Variants in ZNF462 observed in about 807,000 individuals in gnomAD.
ZNF462 encodes the protein zinc finger protein 462, also known as zinc finger PBX1-interacting protein.
A neutral mutation model predicts 201.9 loss-of-function variants in ZNF462; 10 were observed. The observed-to-expected ratio is 0.05, with a 90% CI of 0.03 to 0.08. The LOEUF is 0.08. Among genes scored for constraint, ZNF462 ranks in the 10% least tolerant of loss-of-function variants. The pLI, the probability that ZNF462 is intolerant of heterozygous loss-of-function variation, is 1.00. For synonymous variants in ZNF462, 1,227 were observed against 1,193.3 expected, an observed-to-expected ratio of 1.03 and a Z score of -0.58; for missense variants, 2,523 against 3,168.3, an observed-to-expected ratio of 0.80 and a Z score of 4.89.
intron 9 of ZNF462, chr9:106,975,019 AT>A (rs1423493906): frequency 6.6e-6 from 1 of 152,192 alleles, no homozygotes; most frequent in Non-Finnish European, 1.5e-5. Context: ...TTTGAGTTGC[AT>A]TTACCCTTGG....
At position 106,930,152 on chromosome 9, in the gene ZNF462, T is replaced by C. The variant is rs1830364161; in HGVS notation, c.5848-373T>C. Among the ~76,000 whole-genome samples the C allele has an allele frequency of 1.3e-5, 2 of 152,218 alleles. No individual in the cohort carries two copies. The highest frequency in any genetic ancestry group is 6.5e-5 in the Admixed American group (1 of 15,282). On this transcript the variant is annotated intron_variant, in intron 3 of 12. Coordinates refer to ENST00000277225, the MANE Select transcript of ZNF462 (RefSeq NM_021224.6). This position sits in a 1 kb window ranked among gnomAD's most constrained non-coding sequence, Gnocchi z 5.8. ...GTCTTGGTCTTCAGTGTTTGCTACA[T>C]GAACCTAACGTCTCCAGGAGTAGAT... is the stretch of plus-strand genomic sequence containing the variant.
Position 107,009,624 on chromosome 9 carries a change from T to C in ZNF462, c.7269T>C (p.Phe2423=). The C allele has an allele frequency of 5.6e-6, 9 of 1,613,962 alleles. No individual in the cohort carries two copies. Among genetic ancestry groups the C allele is most frequent in the Non-Finnish European group, 6.8e-6 (8 of 1,179,944 alleles). The change falls in exon 12 of 13, where the codon TTT becomes TTC. Residue 2423 remains phenylalanine (F), a synonymous_variant. Transcript: ENST00000277225. This position sits in a 1 kb window ranked among gnomAD's most constrained non-coding sequence, Gnocchi z 6.1. Reference sequence around the variant, plus strand: ...CATGTGAATTTTGTGGACGGGCGTTTTCACAGGGCTCTGAGTGGGAAAGAC... The same window carrying C: ...CATGTGAATTTTGTGGACGGGCGTTCTCACAGGGCTCTGAGTGGGAAAGAC... ...RFPCEFCGRA[F]SQGSEWERHV...
intron 1 of ZNF462, among the ~76,000 whole-genome samples, chr9:106,868,817 C>T (rs757722730): frequency 6.6e-6 from 1 of 152,220 alleles, no homozygotes; most frequent in Non-Finnish European, 1.5e-5. Flanking sequence ...TAGCTGCTCT[C>T]TTCTCCAGGG....
intron 8 of ZNF462, among the ~76,000 whole-genome samples, chr9:106,973,782 TCTC>T (rs1469590756): frequency 6.6e-6 from 1 of 152,092 alleles, no homozygotes; most frequent in Non-Finnish European, 1.5e-5. Context: ...AAATAGTCTC[TCTC>T]CTCCCAAGCA....
upstream of ZNF462, chr9:106,863,064 AAGAGG>A (rs1238766800): frequency 1.8e-5 from 7 of 390,104 alleles, no homozygotes; most frequent in Non-Finnish European, 2.7e-5. Context: ...GAGGAGAGAG[AAGAGG>A]AGAGAGAGGG....
rs1408675647 is a variant in ZNF462 at position 106,923,369 on chromosome 9, G to C, written c.-15G>C. On this transcript the variant is annotated 5_prime_UTR_variant, in exon 2 of 13. Transcript: ENST00000277225. This position sits in a 1 kb window ranked among gnomAD's most constrained non-coding sequence, Gnocchi z 5.6. Reference sequence around the variant, plus strand: ...TCTGCCACAGGTTCCTAATGTGAGAGGCTAGACCCAGATCATGGAGGTGCT... The same window carrying C: ...TCTGCCACAGGTTCCTAATGTGAGACGCTAGACCCAGATCATGGAGGTGCT... The C allele has an allele frequency of 1.2e-6, 2 of 1,613,764 alleles. No individual in the cohort carries two copies. Among genetic ancestry groups the C allele is most frequent in the Non-Finnish European group, 1.7e-6 (2 of 1,179,890 alleles).
chr9:106,941,269 C>A (rs1411928528), intron 7 of ZNF462, among the ~76,000 whole-genome samples: 1 of 152,092 alleles, frequency 6.6e-6, no homozygotes, highest in East Asian at 1.9e-4. Flanking sequence ...ATTTTTCTGG[C>A]CCTCCGACAA....
rs773155855 is a variant in ZNF462 at position 107,003,333 on chromosome 9, G to T, written c.7096G>T (p.Asp2366Tyr). ...TGAGCTGGTTGGACGGGTTAACTTG[G>T]ATCAGCTGGAACAGATGAAGGAGAA... is the stretch of plus-strand genomic sequence containing the variant. ...NFELVGRVNL[D>Y]QLEQMKEKME... is the part of the protein sequence containing the mutation. The change falls in exon 11 of 13, where the codon GAT (aspartate) becomes TAT (tyrosine). Residue 2366 changes from aspartate (D) to tyrosine (Y), a missense_variant. Asp to Tyr is a radical substitution (Grantham distance 160, BLOSUM62 -3). Coordinates refer to ENST00000277225, the MANE Select transcript of ZNF462 (RefSeq NM_021224.6). The surrounding 1 kb of genome is among the most constrained non-coding windows in gnomAD (Gnocchi z 4.4). The T allele has an allele frequency of 6.2e-7, 1 of 1,613,862 alleles. No individual in the cohort carries two copies. Among genetic ancestry groups the T allele is most frequent in the Non-Finnish European group, 8.5e-7 (1 of 1,179,854 alleles).
chr9:106,894,464 G>T (rs979199210), intron 1 of ZNF462, among the ~76,000 whole-genome samples: 1 of 152,186 alleles, frequency 6.6e-6, no homozygotes, highest in African/African-American at 2.4e-5. Context: ...TAACTCTTTA[G>T]TCTTTATCTT....
At position 106,926,452 on chromosome 9, in the gene ZNF462, A is replaced by G; in HGVS notation, c.2540A>G (p.His847Arg). ...GDSGRLYYCK[H>R]CDFNNKSARS... ...TCTGGAAGGCTTTACTATTGTAAAC[A>G]CTGTGACTTTAACAACAAATCTGCC... The change falls in exon 3 of 13, where the codon CAC becomes CGC. Residue 847 changes from histidine to arginine, a missense_variant. His to Arg is a conservative substitution (Grantham distance 29). This residue lies in a region of ZNF462 where 11 missense variants were observed against 41.0 expected (regional missense o/e 0.27). Coordinates refer to ENST00000277225, the MANE Select transcript of ZNF462 (RefSeq NM_021224.6). The surrounding 1 kb of genome is among the most constrained non-coding windows in gnomAD (Gnocchi z 7.9). 1.9e-6 allele frequency: 3 copies of G among 1,614,220 alleles called. No individual in the cohort carries two copies. Among genetic ancestry groups the G allele is most frequent in the Non-Finnish European group, 2.5e-6 (3 of 1,180,020 alleles).
intron 1 of ZNF462, among the ~76,000 whole-genome samples, chr9:106,873,974 G>A (rs772870808): frequency 6.6e-5 from 10 of 152,240 alleles, no homozygotes; most frequent in South Asian, 2.1e-4. Context: ...CAAAACCTTC[G>A]TAGAAGGATA....
At position 106,970,342 on chromosome 9, in the gene ZNF462, G is replaced by A. The variant is rs757010740; in HGVS notation, c.6428-1663G>A. On this transcript the variant is annotated intron_variant, in intron 7 of 12. Coordinates refer to ENST00000277225, the MANE Select transcript of ZNF462 (RefSeq NM_021224.6). The surrounding 1 kb of genome is among the most constrained non-coding windows in gnomAD (Gnocchi z 4.2). ...CTTGAGGAATATGAATTGAGGAGGCGGGGAGGAGAACAAGAAGGGGAAGAT... is the reference window on the plus strand; with the variant it reads ...CTTGAGGAATATGAATTGAGGAGGCAGGGAGGAGAACAAGAAGGGGAAGAT... Among the ~76,000 whole-genome samples, 12 of 152,138 alleles carry A rather than the reference G, an allele frequency of 7.9e-5. No homozygotes were observed. The highest frequency in any genetic ancestry group is 1.4e-4 in the African/African-American group (6 of 41,438).
chr9:106,864,039 G>GCTCGCTCTCT (rs1827179488), intron 1 of ZNF462, among the ~76,000 whole-genome samples: 4 of 22,722 alleles, frequency 1.8e-4, no homozygotes, highest in East Asian at 1.3e-3. Flanking sequence ...CAGGTATTTG[G>GCTCGCTCTCT]CTCTCTCTCT....
In ZNF462 at chr9:106,929,791, G is replaced by A. The variant is rs1197867824; in HGVS notation, c.5847+32G>A. 3 of 1,571,858 alleles carry A rather than the reference G, an allele frequency of 1.9e-6. No homozygotes were observed. Among genetic ancestry groups the A allele is most frequent in the Non-Finnish European group, 1.7e-6 (2 of 1,156,772 alleles). On this transcript the variant is annotated intron_variant, in intron 3 of 12. Transcript: ENST00000277225. The surrounding 1 kb of genome is among the most constrained non-coding windows in gnomAD (Gnocchi z 8.7). ...ATATGTTTTGATTTCCCTTCCCCCA[G>A]GAGGCCTCTCATCACTGGTGCCCAC...
chr9:106,939,595 G>A (rs1007158493), intron 7 of ZNF462, among the ~76,000 whole-genome samples: 6 of 152,144 alleles, frequency 3.9e-5, no homozygotes, highest in African/African-American at 1.4e-4. Context: ...ATACCTTAGG[G>A]GTGACATAGG....
intron 7 of ZNF462, among the ~76,000 whole-genome samples, chr9:106,945,274 C>T (rs1421194558): frequency 1.3e-5 from 2 of 152,180 alleles, no homozygotes; most frequent in African/African-American, 4.8e-5. Flanking sequence ...GGAAACCCTT[C>T]TCTAAGAATT....
At position 106,925,429 on chromosome 9, in the gene ZNF462, G is replaced by C; in HGVS notation, c.1517G>C (p.Ser506Thr). The change falls in exon 3 of 13, where the codon AGT (serine) becomes ACT (threonine). Residue 506 changes from serine to threonine, a missense_variant. This residue lies in a region of ZNF462 where 383 missense variants were observed against 453.4 expected (regional missense o/e 0.84). Transcript: ENST00000277225. The surrounding 1 kb of genome is among the most constrained non-coding windows in gnomAD (Gnocchi z 7.9). ...TSDWDAVNSQ[S>T]ESISSSLNEG... The stretch of plus-strand genomic sequence containing the variant: ...GATTGGGATGCTGTGAATTCCCAGA[G>C]TGAAAGCATTTCTTCCTCACTGAAT... The C allele has an allele frequency of 6.2e-7, 1 of 1,614,210 alleles. No homozygotes were observed. The highest frequency in any genetic ancestry group is 8.5e-7 in the Non-Finnish European group (1 of 1,180,042).
intron 7 of ZNF462, among the ~76,000 whole-genome samples, chr9:106,943,060 G>A (rs1320825493): frequency 5.5e-5 from 4 of 72,536 alleles, no homozygotes; most frequent in Non-Finnish European, 1.2e-4. Context: ...TTGCGCGCGC[G>A]TGTGTGTGTG....
chr9:106,973,323 G>A (rs1190681514), intron 8 of ZNF462, among the ~76,000 whole-genome samples: 1 of 151,748 alleles, frequency 6.6e-6, no homozygotes, highest in Non-Finnish European at 1.5e-5. Context: ...AAGAAGAATT[G>A]GAAGAAGAAG....
Sources: gnomAD v4.1 joint callset for allele counts (sites outside exome capture counted in the v4.1 genomes callset) on GRCh38, gnomAD v4.1.1 for gene constraint, gnomAD v4.1.1 regional missense constraint, Gnocchi (gnomAD v3.1) non-coding constraint, MANE v1.5 for transcripts, NCBI Gene and HGNC (gene_info 2026-07-23, HGNC 2026-07-21) for gene names.